GALNT13: variants seen among roughly 807,000 people sequenced by gnomAD.
The protein encoded by GALNT13 is polypeptide N-acetylgalactosaminyltransferase 13, also known as UDP-GalNAc:polypeptide N-acetylgalactosaminyltransferase 13.
In GALNT13, 28 loss-of-function variants were observed where a neutral mutation model predicts 64.2. That is an observed-to-expected ratio of 0.44 (90% CI 0.32 to 0.60). GALNT13 has a LOEUF of 0.60. GALNT13 is among the 20% of genes least tolerant of loss of function. The pLI is 0.05. For missense variants in GALNT13, 577 were observed against 669.8 expected (o/e 0.86, Z 1.53); for synonymous variants, 214 against 224.6 (o/e 0.95, Z 0.42).
At chr2:154,041,159 A>G (rs1698955019) in intron 3 of GALNT13, among the ~76,000 whole-genome samples, 1 of 140,908 alleles carries the variant, frequency 7.1e-6, no homozygotes, top group African/African-American at 2.4e-5. Flanking sequence ...TCTTTGTTTT[A>G]TAGATTTCAG....
At chr2:153,890,556 T>G (rs1030482881) in intron 1 of GALNT13, among the ~76,000 whole-genome samples, 1 of 152,072 alleles carries the variant, frequency 6.6e-6, no homozygotes, top group African/African-American at 2.4e-5. Flanking sequence ...GTTCACACCT[T>G]CTATTTATTA....
At chr2:153,549,849 T>C in the GALNT13 span, among the ~76,000 whole-genome samples, 3 of 152,150 alleles carry the variant, frequency 2.0e-5, no homozygotes, top group Admixed American at 2.0e-4. Flanking sequence ...AAAAGTAAAA[T>C]ATCTGGCAGC....
intron 9 of GALNT13, among the ~76,000 whole-genome samples, chr2:154,375,553 A>C (rs1697940399): frequency 6.6e-6 from 1 of 152,110 alleles, no homozygotes; most frequent in Admixed American, 6.6e-5. Context: ...ATCACTGAAA[A>C]AGGGCAACAA....
chr2:153,211,134 CT>C, the GALNT13 span, among the ~76,000 whole-genome samples: 13 of 147,720 alleles, frequency 8.8e-5, no homozygotes, highest in Middle Eastern at 3.4e-3. Flanking sequence ...ATTGACAAAC[CT>C]TTTTTTTTTG....
At chr2:153,976,496 A>G (rs533612786) in intron 3 of GALNT13, among the ~76,000 whole-genome samples, 45 of 152,112 alleles carry the variant, frequency 3.0e-4, no homozygotes, top group Non-Finnish European at 5.9e-4. Flanking sequence ...TTCCAAGCCA[A>G]TTAGGTATTA....
At chr2:154,146,503 G>A (rs1683609654) in intron 4 of GALNT13, among the ~76,000 whole-genome samples, 1 of 152,036 alleles carries the variant, frequency 6.6e-6, no homozygotes, top group South Asian at 2.1e-4. Context: ...ACATAGCTGA[G>A]TAATGTTAAG....
At chr2:153,489,106 A>T in the GALNT13 span, among the ~76,000 whole-genome samples, 21 of 152,198 alleles carry the variant, frequency 1.4e-4, no homozygotes, top group African/African-American at 4.8e-4. Context: ...AATAATAGAC[A>T]TCGGAGACCA....
At chr2:153,356,472 A>G in the GALNT13 span, 1 of 152,186 alleles carries the variant, frequency 6.6e-6, no homozygotes, top group African/African-American at 2.4e-5. Flanking sequence ...TGAGGGATAC[A>G]CTAGAAGAAA....
the GALNT13 span, among the ~76,000 whole-genome samples, chr2:153,823,192 A>T: frequency 6.6e-6 from 1 of 152,238 alleles, no homozygotes; most frequent in Non-Finnish European, 1.5e-5. Context: ...TAAAATAGCC[A>T]TATTGCCCAG....
the GALNT13 span, among the ~76,000 whole-genome samples, chr2:153,820,047 A>G: frequency 6.6e-6 from 1 of 152,230 alleles, no homozygotes; most frequent in African/African-American, 2.4e-5. Context: ...AGAGATAAAC[A>G]TTTTTAAAAG....
At chr2:153,954,576 T>C (rs2105410987) in intron 3 of GALNT13, among the ~76,000 whole-genome samples, 1 of 150,938 alleles carries the variant, frequency 6.6e-6, no homozygotes, top group East Asian at 1.9e-4. Context: ...GATCACAATT[T>C]ATTTATTTTA....
the GALNT13 span, among the ~76,000 whole-genome samples, chr2:153,203,593 G>T: frequency 6.6e-6 from 1 of 152,058 alleles, no homozygotes; most frequent in Non-Finnish European, 1.5e-5. Context: ...GCATGACAGG[G>T]ACTCAAATGT....
intron 9 of GALNT13, among the ~76,000 whole-genome samples, chr2:154,332,207 T>C: frequency 6.6e-6 from 1 of 152,104 alleles, no homozygotes; most frequent in East Asian, 1.9e-4. Context: ...AGAATTGAGG[T>C]TGTCCTTGAG....
At chr2:154,376,491 C>A (rs1312756130) in intron 9 of GALNT13, among the ~76,000 whole-genome samples, 1 of 151,986 alleles carries the variant, frequency 6.6e-6, no homozygotes. Context: ...GAATTAATGC[C>A]TTTATTTAAA....
At chr2:154,278,565 C>T (rs951951445) in intron 8 of GALNT13, among the ~76,000 whole-genome samples, 1 of 152,060 alleles carries the variant, frequency 6.6e-6, no homozygotes, top group Non-Finnish European at 1.5e-5. Flanking sequence ...GTAGCACCTA[C>T]TTTAGGGGTG....
the GALNT13 span, among the ~76,000 whole-genome samples, chr2:153,336,047 A>G: frequency 6.6e-6 from 1 of 152,226 alleles, no homozygotes; most frequent in African/African-American, 2.4e-5. Flanking sequence ...GCAGATGGAC[A>G]GACATCAAGA....
At chr2:154,291,650 G>A (rs906490176) in intron 8 of GALNT13, among the ~76,000 whole-genome samples, 6 of 152,114 alleles carry the variant, frequency 3.9e-5, no homozygotes, top group Non-Finnish European at 5.9e-5. Context: ...CGGGTGCTGC[G>A]TGCAGCCCCA....
chr2:154,331,543 T>C (rs548744642), intron 9 of GALNT13, among the ~76,000 whole-genome samples: 1 of 152,142 alleles, frequency 6.6e-6, no homozygotes, highest in East Asian at 1.9e-4. Context: ...TAGCCACAAG[T>C]TCTACCTTAG....
chr2:153,952,092 C>G (rs1574190851), intron 3 of GALNT13, among the ~76,000 whole-genome samples: 1 of 152,220 alleles, frequency 6.6e-6, no homozygotes, highest in Non-Finnish European at 1.5e-5. Context: ...TTAAAGTGCA[C>G]TAAAGATATT....
Sources: gnomAD v4.1 joint callset for allele counts (sites outside exome capture counted in the v4.1 genomes callset) on GRCh38, gnomAD v4.1.1 for gene constraint, MANE v1.5 for transcripts, NCBI Gene and HGNC (gene_info 2026-07-23, HGNC 2026-07-21) for gene names.